The following ASTN2 variants were observed in gnomAD, a reference collection of about 807,000 sequenced individuals.
ASTN2 encodes the protein astrotactin 2.
A neutral mutation model predicts 139.8 loss-of-function variants in ASTN2; 54 were observed. The ratio of observed to expected loss-of-function variants is 0.39; its 90% CI spans 0.31 to 0.48. The LOEUF (loss-of-function observed/expected upper bound fraction) is 0.48. ASTN2 is among the 20% of genes least tolerant of loss of function. The probability of loss-of-function intolerance (pLI) is 0.95; values close to 1 mark genes in which losing one functional copy is unlikely to be tolerated. For synonymous variants in ASTN2, 756 were observed against 719.5 expected (o/e 1.05, Z -0.81); for missense variants, 1,565 against 1,725.1 (o/e 0.91, Z 1.64).
intron 17 of ASTN2, among the ~76,000 whole-genome samples, chr9:116,623,967 C>G (rs945753219): frequency 6.6e-6 from 1 of 152,148 alleles, no homozygotes; most frequent in African/African-American, 2.4e-5. Context: ...AAACCTTATA[C>G]TGGAGGCATT....
intron 2 of ASTN2, among the ~76,000 whole-genome samples, chr9:117,235,097 G>A (rs956273599): frequency 8.5e-5 from 13 of 152,098 alleles, no homozygotes; most frequent in African/African-American, 3.1e-4. Flanking sequence ...AGCTGAGCAT[G>A]GTGACAGGCA....
At position 116,425,570 on chromosome 9, in the gene ASTN2, A is replaced by C; in HGVS notation, c.*281T>G. ...TGAAAACTTCTGCCTCGGGATTGAC[A>C]GCCATCCATAAGAAAAGGTTTAAAA... On this transcript the variant is annotated 3_prime_UTR_variant, in exon 23 of 23. Transcript: ENST00000313400. 6.2e-7 allele frequency: 1 copy of C among 1,613,352 alleles called. No homozygotes were observed. The highest frequency in any genetic ancestry group is 8.5e-7 in the Non-Finnish European group (1 of 1,179,776).
chr9:116,582,228 G>A (rs887733162), intron 19 of ASTN2: 1 of 152,182 alleles, frequency 6.6e-6, no homozygotes, highest in Admixed American at 6.5e-5. Flanking sequence ...GCTATACAAT[G>A]AAGGGATTGT....
At chr9:117,361,067 G>A (rs1890781) in intron 1 of ASTN2, among the ~76,000 whole-genome samples, 35,030 of 151,978 alleles carry the variant, frequency 0.23, 4,712 homozygotes, top group East Asian at 0.53. Flanking sequence ...ACAAATGGGG[G>A]CTTGCCACTC....
chr9:117,369,808 T>C (rs1829941918), intron 1 of ASTN2, among the ~76,000 whole-genome samples: 1 of 152,138 alleles, frequency 6.6e-6, no homozygotes, highest in Non-Finnish European at 1.5e-5. Flanking sequence ...TTCCTGTTAA[T>C]AAACTGGGAT....
chr9:117,060,693 A>G (rs888969877), intron 5 of ASTN2, among the ~76,000 whole-genome samples: 19 of 152,010 alleles, frequency 1.2e-4, no homozygotes, highest in African/African-American at 4.3e-4. Context: ...GGAGATCGAG[A>G]TCATCCTGGC....
chr9:116,795,751 G>A (rs1271997740), intron 13 of ASTN2, among the ~76,000 whole-genome samples: 1 of 152,168 alleles, frequency 6.6e-6, no homozygotes, highest in Non-Finnish European at 1.5e-5. Context: ...GGGGGGAAAG[G>A]AATGCAATTT....
At chr9:116,617,280 G>C (rs920523198) in intron 19 of ASTN2, among the ~76,000 whole-genome samples, 3 of 152,134 alleles carry the variant, frequency 2.0e-5, no homozygotes, top group Admixed American at 1.3e-4. Flanking sequence ...GAGAGAGACA[G>C]GTAGAAGACA....
chr9:117,380,388 C>T (rs763557027), intron 1 of ASTN2, among the ~76,000 whole-genome samples: 7 of 151,968 alleles, frequency 4.6e-5, no homozygotes, highest in African/African-American at 7.3e-5. Flanking sequence ...GGGCAAATCA[C>T]GAGGTCAAGA....
chr9:117,265,793 A>G (rs1259846413), intron 2 of ASTN2, among the ~76,000 whole-genome samples: 1 of 128,548 alleles, frequency 7.8e-6, no homozygotes, highest in African/African-American at 2.9e-5. Context: ...AATCAGAAAA[A>G]ATTGAAAGCA....
At chr9:116,932,674 T>C (rs777264568) in intron 10 of ASTN2, among the ~76,000 whole-genome samples, 47 of 152,056 alleles carry the variant, frequency 3.1e-4, no homozygotes, top group Non-Finnish European at 4.4e-4. Flanking sequence ...GAGCACTCCA[T>C]GCAGGAGCCA....
intron 2 of ASTN2, 48 bp downstream of exon 2, chr9:117,291,264 TCTCTCCACCCATTC>T (rs1587917240): frequency 6.6e-7 from 1 of 1,506,694 alleles, no homozygotes; most frequent in African/African-American, 1.4e-5. Context: ...GCCCCCTCCA[TCTCTCCACCCATTC>T]CTCCCCCACG....
At chr9:117,045,698 A>G (rs1286021406) in intron 5 of ASTN2, among the ~76,000 whole-genome samples, 1 of 152,178 alleles carries the variant, frequency 6.6e-6, no homozygotes, top group Non-Finnish European at 1.5e-5. Context: ...AATCAATCAC[A>G]TTTTATAATG....
intron 3 of ASTN2, among the ~76,000 whole-genome samples, chr9:117,150,405 T>C (rs949023319): frequency 6.6e-6 from 1 of 151,970 alleles, no homozygotes; most frequent in Non-Finnish European, 1.5e-5. Context: ...TGGGCTGGAG[T>C]TGATACTATA....
intron 2 of ASTN2, among the ~76,000 whole-genome samples, chr9:117,287,747 T>C (rs929039066): frequency 2.0e-5 from 3 of 152,198 alleles, no homozygotes; most frequent in African/African-American, 7.2e-5. Context: ...AAAGCCAATG[T>C]CTTTTTACTC....
At chr9:117,301,037 G>T (rs1025087610) in intron 1 of ASTN2, among the ~76,000 whole-genome samples, 1 of 152,100 alleles carries the variant, frequency 6.6e-6, no homozygotes, top group Non-Finnish European at 1.5e-5. Flanking sequence ...ATAAGGGAGG[G>T]GAAGAGAAGA....
intron 10 of ASTN2, among the ~76,000 whole-genome samples, chr9:116,898,961 C>T (rs188536812): frequency 1.3e-5 from 2 of 152,288 alleles, no homozygotes; most frequent in East Asian, 3.9e-4. Context: ...CAGGCATGAG[C>T]TACCATATGC....
intron 3 of ASTN2, among the ~76,000 whole-genome samples, chr9:117,198,109 G>T (rs1831569869): frequency 6.6e-6 from 1 of 151,480 alleles, no homozygotes; most frequent in African/African-American, 2.4e-5. Context: ...GTGCAGGTTT[G>T]TCACATAGGT....
At chr9:117,075,090 T>C (rs1023985349) in intron 5 of ASTN2, among the ~76,000 whole-genome samples, 3 of 152,150 alleles carry the variant, frequency 2.0e-5, no homozygotes, top group South Asian at 4.1e-4. Context: ...ATCTAACAAA[T>C]GTTTTCAGAA....
Sources: gnomAD v4.1 joint callset for allele counts (sites outside exome capture counted in the v4.1 genomes callset) on GRCh38, gnomAD v4.1.1 for gene constraint, MANE v1.5 for transcripts, NCBI Gene and HGNC (gene_info 2026-07-23, HGNC 2026-07-21) for gene names.